The following LUZP2 variants were observed in gnomAD, a reference collection of about 807,000 sequenced individuals.
LUZP2 encodes leucine zipper protein 2.
LUZP2 carries 52 observed loss-of-function variants against 51.6 expected under a neutral mutation model. That is an observed-to-expected ratio of 1.01 (90% CI 0.81 to 1.27). The LOEUF is 1.27. LUZP2 is among the 50% of genes most tolerant of loss of function. LUZP2 has a pLI of 0.00. For synonymous variants in LUZP2, 154 were observed against 137.3 expected (o/e 1.12, Z -0.85); for missense variants, 436 against 395.4 (o/e 1.10, Z -0.87).
At chr11:24,610,515 C>A (rs2133885942) in intron 1 of LUZP2, among the ~76,000 whole-genome samples, 1 of 152,274 alleles carries the variant, frequency 6.6e-6, no homozygotes, top group South Asian at 2.1e-4. Context: ...AGCCATCCAA[C>A]CATGCATTTT....
intron 5 of LUZP2, among the ~76,000 whole-genome samples, chr11:24,826,028 CTGG>C (rs1248761720): frequency 6.6e-6 from 1 of 151,056 alleles, no homozygotes. Context: ...AAAAAATTAG[CTGG>C]GCGCGGTGGC....
At chr11:24,662,421 A>G (rs1856053422) in intron 1 of LUZP2, among the ~76,000 whole-genome samples, 1 of 152,144 alleles carries the variant, frequency 6.6e-6, no homozygotes, top group African/African-American at 2.4e-5. Flanking sequence ...TAAATAGCTA[A>G]AGGAATTATA....
At chr11:24,990,016 T>C (rs1015353261) in intron 9 of LUZP2, among the ~76,000 whole-genome samples, 2 of 152,124 alleles carry the variant, frequency 1.3e-5, no homozygotes, top group Non-Finnish European at 2.9e-5. Context: ...GGTGGGATCA[T>C]TTAAAATATT....
At chr11:24,818,715 G>T (rs1214475998) in intron 5 of LUZP2, among the ~76,000 whole-genome samples, 2 of 152,008 alleles carry the variant, frequency 1.3e-5, no homozygotes, top group African/African-American at 4.8e-5. Flanking sequence ...CATTTCTTCT[G>T]CTTATCTATA....
intron 1 of LUZP2, among the ~76,000 whole-genome samples, chr11:24,637,151 C>A (rs1332432949): frequency 6.6e-6 from 1 of 151,672 alleles, no homozygotes; most frequent in Non-Finnish European, 1.5e-5. Flanking sequence ...AATATAAAAG[C>A]ATTATAAAAT....
chr11:24,751,798 A>G (rs1859598800), intron 4 of LUZP2, among the ~76,000 whole-genome samples: 1 of 152,140 alleles, frequency 6.6e-6, no homozygotes, highest in African/African-American at 2.4e-5. Flanking sequence ...ATTGCACTAC[A>G]TACGCATTCT....
chr11:24,880,126 GGTTGGATT>G (rs1852413241), intron 5 of LUZP2, among the ~76,000 whole-genome samples: 1 of 152,178 alleles, frequency 6.6e-6, no homozygotes, highest in South Asian at 2.1e-4. Flanking sequence ...CAAAACTCAA[GGTTGGATT>G]GCTGGCATAG....
chr11:25,041,845 A>G (rs1471385592), intron 9 of LUZP2, among the ~76,000 whole-genome samples: 2 of 152,140 alleles, frequency 1.3e-5, no homozygotes, highest in African/African-American at 2.4e-5. Flanking sequence ...AAGCATTACC[A>G]CCTGAGCTCT....
At chr11:24,556,770 G>A (rs2133760850) in intron 1 of LUZP2, among the ~76,000 whole-genome samples, 1 of 152,142 alleles carries the variant, frequency 6.6e-6, no homozygotes, top group South Asian at 2.1e-4. Context: ...AAGCCCAGAA[G>A]GGTTTTTCTC....
intron 1 of LUZP2, among the ~76,000 whole-genome samples, chr11:24,615,860 C>A (rs958446917): frequency 6.6e-6 from 1 of 150,934 alleles, no homozygotes; most frequent in Non-Finnish European, 1.5e-5. Flanking sequence ...TTCAGTCATT[C>A]TGATGTATAG....
chr11:24,883,923 A>G (rs1041264147), intron 5 of LUZP2, among the ~76,000 whole-genome samples: 4 of 152,098 alleles, frequency 2.6e-5, no homozygotes, highest in East Asian at 3.9e-4. Context: ...AAAAAGTGGG[A>G]GGTCTGCTCT....
At chr11:24,986,541 G>C (rs1265418591) in intron 9 of LUZP2, among the ~76,000 whole-genome samples, 1 of 141,104 alleles carries the variant, frequency 7.1e-6, no homozygotes, top group Admixed American at 7.1e-5. Flanking sequence ...ATGCCTCTGT[G>C]TGTGTGTGTG....
intron 4 of LUZP2, among the ~76,000 whole-genome samples, chr11:24,750,508 T>C (rs1384925076): frequency 1.3e-5 from 2 of 152,226 alleles, no homozygotes; most frequent in Non-Finnish European, 2.9e-5. Context: ...ATTAAGAATA[T>C]AGAATCATCA....
intron 5 of LUZP2, among the ~76,000 whole-genome samples, chr11:24,873,120 ACT>A (rs1232421859): frequency 6.6e-6 from 1 of 152,150 alleles, no homozygotes; most frequent in Non-Finnish European, 1.5e-5. Context: ...TCATTCACAG[ACT>A]CTAATGCTTT....
chr11:24,606,008 A>T (rs1236786184), intron 1 of LUZP2, among the ~76,000 whole-genome samples: 1 of 151,844 alleles, frequency 6.6e-6, no homozygotes. Context: ...TTCCAGTTGC[A>T]TTTATATTGT....
chr11:24,967,279 A>G (rs949083905), intron 7 of LUZP2, among the ~76,000 whole-genome samples: 8 of 151,952 alleles, frequency 5.3e-5, no homozygotes, highest in Admixed American at 2.0e-4. Flanking sequence ...TCATTAATTT[A>G]GGGAGACCAG....
chr11:24,985,407 T>G (rs1002583670), intron 9 of LUZP2, among the ~76,000 whole-genome samples: 3 of 151,692 alleles, frequency 2.0e-5, no homozygotes, highest in African/African-American at 7.2e-5. Context: ...GAAAATAATA[T>G]TCTTTCGAAT....
At chr11:24,989,417 T>C (rs982188227) in intron 9 of LUZP2, among the ~76,000 whole-genome samples, 1 of 152,054 alleles carries the variant, frequency 6.6e-6, no homozygotes, top group Admixed American at 6.6e-5. Flanking sequence ...GGAAATATAA[T>C]GTCTTTAAAA....
intron 5 of LUZP2, among the ~76,000 whole-genome samples, chr11:24,848,042 T>G (rs1425380869): frequency 6.6e-6 from 1 of 152,100 alleles, no homozygotes; most frequent in Non-Finnish European, 1.5e-5. Flanking sequence ...CTGAAGTCGG[T>G]AATTTTAGTA....
Sources: allele counts gnomAD v4.1 joint callset (sites outside exome capture counted in the v4.1 genomes callset), GRCh38; gene constraint gnomAD v4.1.1; transcripts MANE v1.5; gene names NCBI Gene and HGNC (gene_info 2026-07-23, HGNC 2026-07-21).